ADAM23: variants seen among roughly 807,000 people sequenced by gnomAD.
ADAM23 encodes the protein ADAM metallopeptidase domain 23.
ADAM23 carries 33 observed loss-of-function variants against 120.1 expected under a neutral mutation model. That is an observed-to-expected ratio of 0.27 (90% CI 0.21 to 0.37). ADAM23 has a LOEUF of 0.37. Among genes scored for constraint, ADAM23 ranks in the 10% least tolerant of loss-of-function variants. The pLI is 1.00. For synonymous variants in ADAM23, 367 were observed against 375.2 expected (o/e 0.98, Z 0.25); for missense variants, 862 against 1,058.2 (o/e 0.81, Z 2.57).
At position 206,486,601 on chromosome 2, in the gene ADAM23, A is replaced by G. The variant is rs1045840131; in HGVS notation, c.509+5293A>G. On this transcript the variant is annotated intron_variant, in intron 3 of 25. Transcript: ENST00000264377. Reference sequence around the variant, plus strand: ...GAATAACCATGATTAGAGTGGCACAATGGTTGAAAGCATGGGTAACTCTTT... The same window carrying G: ...GAATAACCATGATTAGAGTGGCACAGTGGTTGAAAGCATGGGTAACTCTTT... Among the ~76,000 whole-genome samples, 13 of 152,124 alleles carry G rather than the reference A, an allele frequency of 8.5e-5. No individual in the cohort carries two copies. In the South Asian group the frequency reaches 1.2e-3, roughly 15 times the overall value.
intron 3 of ADAM23, among the ~76,000 whole-genome samples, chr2:206,483,460 A>G (rs940749661): frequency 3.9e-5 from 6 of 152,088 alleles, no homozygotes; most frequent in African/African-American, 1.2e-4. Context: ...GTATTTTTAT[A>G]TAAATGTTAA....
rs1175003500 is a variant in ADAM23, at chr2:206,620,459, G to T, written c.*2832G>T. ...ATTATTTTTGATGGTATTAGGTTAT[G>T]TAGTTTCAAACTCTTTGCTGTATTT... On this transcript the variant is annotated 3_prime_UTR_variant, in exon 26 of 26. Transcript: ENST00000264377. 1 of 152,188 alleles carries T rather than the reference G, an allele frequency of 6.6e-6. No individual in the cohort carries two copies. The highest frequency in any genetic ancestry group is 1.5e-5 in the Non-Finnish European group (1 of 68,044). The allele number at this position is 152,188 out of a possible 1,614,324, so 9.4% of individuals were successfully genotyped here. A position where few individuals can be genotyped will look rare whatever the true frequency, so the allele number is the denominator to read the frequency against.
chr2:206,558,207 T>G (rs1192978332), intron 10 of ADAM23, among the ~76,000 whole-genome samples: 1 of 152,238 alleles, frequency 6.6e-6, no homozygotes, highest in African/African-American at 2.4e-5. Context: ...TATGTTCCAA[T>G]GAATATTTAA....
chr2:206,450,850 T>C (rs1325317623), intron 2 of ADAM23, among the ~76,000 whole-genome samples: 1 of 152,220 alleles, frequency 6.6e-6, no homozygotes, highest in African/African-American at 2.4e-5. Flanking sequence ...AGACATTTAT[T>C]GAATACTTCT....
chr2:206,550,009 CAA>C, intron 8 of ADAM23, 84 bp from the exon 9 acceptor site: 1 of 765,358 alleles, frequency 1.3e-6, no homozygotes, highest in Non-Finnish European at 2.0e-6. Context: ...TTCTGAAATT[CAA>C]AGTCTTATCT....
At chr2:206,478,672 T>C (rs1695834057) in intron 2 of ADAM23, among the ~76,000 whole-genome samples, 1 of 152,132 alleles carries the variant, frequency 6.6e-6, no homozygotes, top group Non-Finnish European at 1.5e-5. Context: ...AGCCTGCCAG[T>C]CTCCATCCCA....
chr2:206,474,426 A>G (rs1477906193), intron 2 of ADAM23, among the ~76,000 whole-genome samples: 3 of 152,164 alleles, frequency 2.0e-5, no homozygotes, highest in African/African-American at 4.8e-5. Context: ...GATGGTGGCT[A>G]ACTATCCTGG....
rs143195976 is a variant in ADAM23, at chr2:206,615,670, A to G, written c.2451-1909A>G. On this transcript the variant is annotated intron_variant, in intron 25 of 25. Transcript: ENST00000264377. ...TGGTGTTCAGAGTCCATTTTCATCC[A>G]GAAAGATACAGTTCTGCAGGATGGC... 2.8e-3 allele frequency among the ~76,000 whole-genome samples: 430 copies of G among 152,328 alleles called. 6 individuals are homozygous for G. Among genetic ancestry groups the G allele is most frequent in the African/African-American group, 9.7e-3 (402 of 41,572 alleles).
Position 206,515,233 on chromosome 2 carries a change from T to C in ADAM23, c.510-15652T>C, listed in dbSNP as rs138858542. On this transcript the variant is annotated intron_variant, in intron 3 of 25. Coordinates refer to ENST00000264377, the MANE Select transcript of ADAM23 (RefSeq NM_003812.4). Reference sequence around the variant, plus strand: ...TATTGTCATTATGAACTCAGAAATATGTTTTCTAGTGATCATTGAAACAAC... The same window carrying C: ...TATTGTCATTATGAACTCAGAAATACGTTTTCTAGTGATCATTGAAACAAC... 2.3e-3 allele frequency among the ~76,000 whole-genome samples: 348 copies of C among 152,328 alleles called. 1 individual carries two copies. The highest frequency in any genetic ancestry group is 7.9e-3 in the African/African-American group (327 of 41,588).
chr2:206,489,417 T>G (rs1444251341), intron 3 of ADAM23, among the ~76,000 whole-genome samples: 2 of 152,192 alleles, frequency 1.3e-5, no homozygotes, highest in Non-Finnish European at 2.9e-5. Context: ...TTCAGAGAGC[T>G]GGTCACACAC....
At chr2:206,603,263 C>T (rs919141903) in intron 24 of ADAM23, among the ~76,000 whole-genome samples, 2 of 152,020 alleles carry the variant, frequency 1.3e-5, no homozygotes, top group Admixed American at 1.3e-4. Flanking sequence ...AAATATGTCC[C>T]CTATAAAAAT....
intron 2 of ADAM23, among the ~76,000 whole-genome samples, chr2:206,456,186 T>G (rs1330735258): frequency 1.3e-5 from 2 of 152,000 alleles, no homozygotes; most frequent in African/African-American, 4.8e-5. Flanking sequence ...TTAGGAAACT[T>G]ATCATGGCAG....
At chr2:206,501,420 T>G (rs958364290) in intron 3 of ADAM23, among the ~76,000 whole-genome samples, 6 of 152,100 alleles carry the variant, frequency 3.9e-5, no homozygotes, top group Non-Finnish European at 8.8e-5. Context: ...TCATGGAGAC[T>G]GAGCATTAGG....
At chr2:206,556,395 T>C (rs1353140906) in intron 9 of ADAM23, among the ~76,000 whole-genome samples, 1 of 152,190 alleles carries the variant, frequency 6.6e-6, no homozygotes, top group African/African-American at 2.4e-5. Context: ...AATTTTCTAA[T>C]GTAGAAATAT....
At position 206,547,314 on chromosome 2, in the gene ADAM23, A is replaced by G. The variant is rs570400589; in HGVS notation, c.721-115A>G. 1.8e-3 allele frequency: 1,291 copies of G among 736,004 alleles called. 2 individuals are homozygous for G. The highest frequency in any genetic ancestry group is 2.4e-3 in the Non-Finnish European group (1,101 of 466,766). The allele number at this position is 736,004 out of a possible 1,614,324, so 45.6% of individuals were successfully genotyped here. On this transcript the variant is annotated intron_variant, in intron 6 of 25. Coordinates refer to ENST00000264377, the MANE Select transcript of ADAM23 (RefSeq NM_003812.4). ...ACTTTTCACTTTTGATAGCTAAAAA[A>G]CTGACATATAAATATTCCCATTTTA...
At chr2:206,464,358 T>G (rs1292090310) in intron 2 of ADAM23, among the ~76,000 whole-genome samples, 1 of 152,108 alleles carries the variant, frequency 6.6e-6, no homozygotes, top group African/African-American at 2.4e-5. Flanking sequence ...GTGGATCACC[T>G]GAGGTCAGGA....
intron 3 of ADAM23, among the ~76,000 whole-genome samples, chr2:206,507,234 G>A (rs778280731): frequency 2.4e-4 from 36 of 152,250 alleles, no homozygotes; most frequent in South Asian, 4.2e-4. Context: ...TGGCCCCACC[G>A]AATGTCATGT....
intron 2 of ADAM23, among the ~76,000 whole-genome samples, chr2:206,449,685 G>T (rs1238824023): frequency 1.3e-5 from 2 of 152,208 alleles, no homozygotes; most frequent in African/African-American, 4.8e-5. Flanking sequence ...CATGAGAATC[G>T]CTTGATCCCG....
chr2:206,518,841 C>T (rs2105788458), intron 3 of ADAM23, among the ~76,000 whole-genome samples: 1 of 152,218 alleles, frequency 6.6e-6, no homozygotes, highest in South Asian at 2.1e-4. Flanking sequence ...CTTTCAGCAC[C>T]TTCTGAAAAA....
Sources: allele counts gnomAD v4.1 joint callset (sites outside exome capture counted in the v4.1 genomes callset), GRCh38; gene constraint gnomAD v4.1.1; transcripts MANE v1.5; gene names NCBI Gene and HGNC (gene_info 2026-07-23, HGNC 2026-07-21).